Variants in DIAPH1 observed in about 807,000 individuals in gnomAD.
The protein encoded by DIAPH1 is diaphanous related formin 1.
A neutral mutation model predicts 140.7 loss-of-function variants in DIAPH1; 46 were observed. The observed-to-expected ratio is 0.33, with a 90% CI of 0.26 to 0.42. The LOEUF (loss-of-function observed/expected upper bound fraction) is 0.42, where lower values mean the gene tolerates loss of function less well. DIAPH1 is among the 10% of genes least tolerant of loss of function. The pLI, the probability that DIAPH1 is intolerant of heterozygous loss-of-function variation, is 1.00. For missense variants in DIAPH1, 1,310 were observed against 1,558.7 expected (o/e 0.84, Z 2.69); for synonymous variants, 565 against 551.6 (o/e 1.02, Z -0.34).
chr5:141,516,664 C>T lies in DIAPH1; in HGVS notation c.*187G>A, dbSNP rs1460288440. On this transcript the variant is annotated 3_prime_UTR_variant, in exon 28 of 28. Coordinates refer to ENST00000389054, the MANE Select transcript of DIAPH1 (RefSeq NM_005219.5). ...CAGGCCTCCCCTGCACTGCCCTTTC[C>T]TTCTGGCCTCCAGGCAGCTGAAGCT... 3 of 699,600 alleles carry T rather than the reference C, an allele frequency of 4.3e-6. No individual in the cohort carries two copies. The highest frequency in any genetic ancestry group is 2.7e-5 in the East Asian group (1 of 36,552). The allele number at this position is 699,600 out of a possible 1,614,324, so 43.3% of individuals were successfully genotyped here. A position where few individuals can be genotyped will look rare whatever the true frequency, so the allele number is the denominator to read the frequency against.
intron 18 of DIAPH1, among the ~76,000 whole-genome samples, chr5:141,555,600 T>C (rs781055960): frequency 6.6e-6 from 1 of 152,184 alleles, no homozygotes; most frequent in Non-Finnish European, 1.5e-5. Context: ...CCTCATGCTG[T>C]CCCTCACCCT....
intron 3 of DIAPH1, among the ~76,000 whole-genome samples, chr5:141,585,473 G>GT (rs1347261661): frequency 1.3e-5 from 2 of 152,022 alleles, no homozygotes; most frequent in Non-Finnish European, 2.9e-5. Flanking sequence ...CAAACAAACG[G>GT]TTTTTTCAAC....
At position 141,516,709 on chromosome 5, in the gene DIAPH1, C is replaced by T. The variant is rs1185501440; in HGVS notation, c.*142G>A. 5 of 888,850 alleles carry T rather than the reference C, an allele frequency of 5.6e-6. No individual in the cohort carries two copies. The African/African-American group carries it at 8.2e-5, about 15-fold the overall frequency. 55.1% of individuals were successfully genotyped at this position (888,850 alleles called of 1,614,324 possible). On this transcript the variant is annotated 3_prime_UTR_variant, in exon 28 of 28. Coordinates refer to ENST00000389054, the MANE Select transcript of DIAPH1 (RefSeq NM_005219.5). Reference sequence around the variant, plus strand: ...GAAGCTGTATGTGATGTTGAGAGAGCAGCAGGCCAGAGAGAAAGACAGGGT... The same window carrying T: ...GAAGCTGTATGTGATGTTGAGAGAGTAGCAGGCCAGAGAGAAAGACAGGGT...
intron 18 of DIAPH1, among the ~76,000 whole-genome samples, chr5:141,543,625 A>G (rs2099890332): frequency 6.6e-6 from 1 of 152,170 alleles, no homozygotes; most frequent in Non-Finnish European, 1.5e-5. Flanking sequence ...ATTTTGTCCA[A>G]TTGTAAGCTA....
At chr5:141,606,927 G>A (rs1035580069) in intron 1 of DIAPH1, among the ~76,000 whole-genome samples, 2 of 142,626 alleles carry the variant, frequency 1.4e-5, no homozygotes, top group East Asian at 2.0e-4. Context: ...CAGAAACAGA[G>A]AGCCTTGAAA....
chr5:141,581,554 A>G (rs2154596530), intron 7 of DIAPH1, among the ~76,000 whole-genome samples: 1 of 152,376 alleles, frequency 6.6e-6, no homozygotes, highest in East Asian at 1.9e-4. Flanking sequence ...CCAATGGAAT[A>G]AGTTAATTAT....
chr5:141,556,884 G>T (rs928963372), intron 18 of DIAPH1, among the ~76,000 whole-genome samples: 1 of 152,114 alleles, frequency 6.6e-6, no homozygotes, highest in African/African-American at 2.4e-5. Flanking sequence ...TAGTAGAGAC[G>T]AGGTTTCGCC....
intron 15 of DIAPH1, among the ~76,000 whole-genome samples, chr5:141,574,566 T>C (rs1397371661): frequency 6.6e-6 from 1 of 152,164 alleles, no homozygotes; most frequent in African/African-American, 2.4e-5. Flanking sequence ...AGTAATCAAG[T>C]TATCAGACAT....
In DIAPH1 at chr5:141,529,584, G is replaced by A. The variant is rs1413595816; in HGVS notation, c.2676+19C>T. ...CGACACAGAAGAGCCTGCTCCAGCA[G>A]AACCACCTTACTCCTTACCTGGATC... is the stretch of plus-strand genomic sequence containing the variant. On this transcript the variant is annotated intron_variant, in intron 20 of 27. Coordinates refer to ENST00000389054, the MANE Select transcript of DIAPH1 (RefSeq NM_005219.5). The A allele has an allele frequency of 1.9e-6, 3 of 1,599,944 alleles. No individual in the cohort carries two copies. The highest frequency in any genetic ancestry group is 2.6e-6 in the Non-Finnish European group (3 of 1,167,070).
chr5:141,525,092 G>A (rs1389790934), intron 26 of DIAPH1, among the ~76,000 whole-genome samples: 1 of 152,170 alleles, frequency 6.6e-6, no homozygotes, highest in African/African-American at 2.4e-5. Flanking sequence ...GGAGTCCCAG[G>A]GGAAGGTGAA....
At chr5:141,576,209 T>C (rs776396064) in intron 14 of DIAPH1, 21 bp downstream of exon 14, 22 of 1,562,314 alleles carry the variant, frequency 1.4e-5, no homozygotes, top group African/African-American at 5.4e-5. Flanking sequence ...CAAACACATG[T>C]CTTTGGTCTC....
At chr5:141,607,591 C>T (rs1324940200) in intron 1 of DIAPH1, among the ~76,000 whole-genome samples, 2 of 152,182 alleles carry the variant, frequency 1.3e-5, no homozygotes, top group Non-Finnish European at 2.9e-5. Flanking sequence ...TTCAATCCTG[C>T]TTTCTGCAGG....
intron 19 of DIAPH1, among the ~76,000 whole-genome samples, chr5:141,532,890 G>A (rs1490452063): frequency 1.3e-5 from 2 of 152,074 alleles, no homozygotes; most frequent in Non-Finnish European, 2.9e-5. Context: ...AATTACTCAT[G>A]TCTTATGTTC....
intron 1 of DIAPH1, among the ~76,000 whole-genome samples, chr5:141,606,647 G>A (rs2099901018): frequency 6.6e-6 from 1 of 152,118 alleles, no homozygotes; most frequent in Non-Finnish European, 1.5e-5. Flanking sequence ...TGCCCACCTC[G>A]GCCTCCCAAA....
intron 14 of DIAPH1, among the ~76,000 whole-genome samples, chr5:141,575,656 A>C (rs529357786): frequency 6.6e-6 from 1 of 152,172 alleles, no homozygotes; most frequent in Non-Finnish European, 1.5e-5. Flanking sequence ...CTCAAAAAAA[A>C]AACAAATAAA....
intron 1 of DIAPH1, 42 bp from the exon 2 acceptor site, chr5:141,588,292 C>G: frequency 6.5e-7 from 1 of 1,528,548 alleles, no homozygotes; most frequent in Non-Finnish European, 9.1e-7. Flanking sequence ...GAAGAGAAAT[C>G]AGTGAAGTAC....
At chr5:141,521,399 T>C (rs2099886517) in intron 27 of DIAPH1, among the ~76,000 whole-genome samples, 1 of 152,208 alleles carries the variant, frequency 6.6e-6, no homozygotes, top group South Asian at 2.1e-4. Flanking sequence ...GCAGCTGTAA[T>C]ACAATCACAT....
At position 141,575,023 on chromosome 5, in the gene DIAPH1, G is replaced by T; in HGVS notation, c.1585C>A (p.Gln529Lys). The T allele has an allele frequency of 6.2e-7, 1 of 1,614,116 alleles. No homozygotes were observed. Among genetic ancestry groups the T allele is most frequent in the East Asian group, 2.2e-5 (1 of 44,884 alleles). Residue 529 changes from glutamine (Q) to lysine (K), a missense_variant, in exon 15 of 28, where the codon CAA (glutamine) becomes AAA (lysine). By Grantham distance (53) the Gln-to-Lys change is moderately conservative (BLOSUM62 1). Coordinates refer to ENST00000389054, the MANE Select transcript of DIAPH1 (RefSeq NM_005219.5). ...AGGTCCTGTTTCTCTGTGGCAATTT[G>T]CTGCTTTTCAGAATGCAGTGCATCT... ...EKDALHSEKQ[Q>K]IATEKQDLEA...
At chr5:141,597,545 G>GC (rs1420108676) in intron 1 of DIAPH1, among the ~76,000 whole-genome samples, 2 of 152,204 alleles carry the variant, frequency 1.3e-5, no homozygotes, top group African/African-American at 4.8e-5. Flanking sequence ...CCAAAAAAGT[G>GC]CAAGACTTGA....
Sources: gnomAD v4.1 joint callset for allele counts (sites outside exome capture counted in the v4.1 genomes callset) on GRCh38, gnomAD v4.1.1 for gene constraint, MANE v1.5 for transcripts, NCBI Gene and HGNC (gene_info 2026-07-23, HGNC 2026-07-21) for gene names.